The following CAMTA1 variants were observed in gnomAD, a reference collection of about 807,000 sequenced individuals.
The protein encoded by CAMTA1 is calmodulin-binding transcription activator 1.
Under a neutral mutation model 170.9 loss-of-function variants are expected in CAMTA1, and 27 were observed. The ratio of observed to expected loss-of-function variants is 0.16; its 90% CI spans 0.12 to 0.22. The LOEUF is 0.22. Ranked by LOEUF, CAMTA1 falls within the 10% of genes least tolerant of loss-of-function variation. The pLI, the probability that CAMTA1 is intolerant of heterozygous loss-of-function variation, is 1.00. For missense variants in CAMTA1, 1,619 were observed against 2,217.2 expected (o/e 0.73, Z 5.42); for synonymous variants, 833 against 891.5 (o/e 0.93, Z 1.17).
chr1:7,422,916 A>G (rs1435789635), intron 5 of CAMTA1, among the ~76,000 whole-genome samples: 1 of 152,262 alleles, frequency 6.6e-6, no homozygotes, highest in Non-Finnish European at 1.5e-5. Flanking sequence ...ATGGATTTGT[A>G]TTTGAAACTG....
intron 5 of CAMTA1, among the ~76,000 whole-genome samples, chr1:7,250,201 T>G (rs1296491682): frequency 3.3e-5 from 5 of 152,180 alleles, no homozygotes; most frequent in Admixed American, 2.0e-4. Context: ...GGCCCTTGGG[T>G]AAAGACTGGT....
Position 7,044,869 on chromosome 1 carries a change from C to T in CAMTA1, c.235-46435C>T, listed in dbSNP as rs1705115163. ...TTCCTGTCTGCCAGCAGTGCCTCCT[C>T]TCCCCATTAACATCCCGCCATTTTG... On this transcript the variant is annotated intron_variant, in intron 3 of 22. Transcript: ENST00000303635. The surrounding 1 kb of genome is among the most constrained non-coding windows in gnomAD (Gnocchi z 5.0). Among the ~76,000 whole-genome samples, 1 of 143,238 alleles carries T rather than the reference C, an allele frequency of 7.0e-6. No homozygotes were observed. The highest frequency in any genetic ancestry group is 1.5e-5 in the Non-Finnish European group (1 of 65,812). 94.0% of individuals were successfully genotyped at this position (143,238 alleles called of 152,430 possible). A position where few individuals can be genotyped will look rare whatever the true frequency, so the allele number is the denominator to read the frequency against.
At chr1:7,215,022 A>G (rs1280018391) in intron 4 of CAMTA1, among the ~76,000 whole-genome samples, 1 of 152,044 alleles carries the variant, frequency 6.6e-6, no homozygotes, top group Non-Finnish European at 1.5e-5. Context: ...CTATTGGTTT[A>G]TGTGTCAATT....
At chr1:7,215,825 A>G (rs1659657189) in intron 4 of CAMTA1, among the ~76,000 whole-genome samples, 1 of 152,160 alleles carries the variant, frequency 6.6e-6, no homozygotes, top group Non-Finnish European at 1.5e-5. Flanking sequence ...TAATATTTCT[A>G]TTTTATGAAA....
chr1:7,482,795 A>C lies in CAMTA1; in HGVS notation c.510+14894A>C, dbSNP rs1020111249. Among the ~76,000 whole-genome samples the C allele has an allele frequency of 6.6e-6, 1 of 152,152 alleles. No homozygotes were observed. The highest frequency in any genetic ancestry group is 1.9e-4 in the East Asian group (1 of 5,186). On this transcript the variant is annotated intron_variant, in intron 6 of 22. Transcript: ENST00000303635. The surrounding 1 kb of genome is among the most constrained non-coding windows in gnomAD (Gnocchi z 4.2). ...CTCCCATGGGGTCTCATTTTGCCCT[A>C]TCTGTGCCCTCAGTTTCTCTGCAGC...
chr1:6,790,078 C>G (rs1190205152), intron 1 of CAMTA1, among the ~76,000 whole-genome samples: 3 of 152,022 alleles, frequency 2.0e-5, no homozygotes, highest in Non-Finnish European at 4.4e-5. Context: ...CCTCCCTTGC[C>G]TCAGCCTCCC....
intron 6 of CAMTA1, among the ~76,000 whole-genome samples, chr1:7,501,158 TCTCCC>T (rs1301092537): frequency 6.6e-6 from 1 of 151,868 alleles, no homozygotes; most frequent in Non-Finnish European, 1.5e-5. Context: ...TCTAGGGCAT[TCTCCC>T]CAGACCCTCC....
At chr1:7,292,922 CCA>C (rs1557455990) in intron 5 of CAMTA1, among the ~76,000 whole-genome samples, 1 of 152,056 alleles carries the variant, frequency 6.6e-6, no homozygotes, top group East Asian at 1.9e-4. Flanking sequence ...GAGCACTAGG[CCA>C]CCCCAGCGCC....
intron 3 of CAMTA1, among the ~76,000 whole-genome samples, chr1:6,845,233 A>G (rs1268494345): frequency 6.6e-6 from 1 of 152,204 alleles, no homozygotes; most frequent in Non-Finnish European, 1.5e-5. Context: ...CCAGCAGCTG[A>G]TGGTCCAGGG....
intron 5 of CAMTA1, among the ~76,000 whole-genome samples, chr1:7,446,077 G>A (rs557740958): frequency 6.6e-6 from 1 of 151,932 alleles, no homozygotes; most frequent in African/African-American, 2.4e-5. Flanking sequence ...TTTCCATCCC[G>A]GTGCATCCTC....
intron 6 of CAMTA1, among the ~76,000 whole-genome samples, chr1:7,581,557 G>A (rs1340985431): frequency 6.6e-6 from 1 of 152,240 alleles, no homozygotes; most frequent in Non-Finnish European, 1.5e-5. Context: ...CTGTGACCCA[G>A]GGGCCCTAGA....
At chr1:7,676,450 G>A (rs755236183) in intron 10 of CAMTA1, among the ~76,000 whole-genome samples, 6 of 152,230 alleles carry the variant, frequency 3.9e-5, no homozygotes, top group African/African-American at 1.4e-4. Flanking sequence ...GATGGACAGC[G>A]GCCACCGGTC....
rs1383215235 is a variant in CAMTA1, at chr1:7,195,364, T to C, written c.303-54127T>C. The stretch of plus-strand genomic sequence containing the variant: ...GGAGTCCAAGTGTTGCTATACACAT[T>C]CTCTGCTTGTCTTGGCTATTTGGAA... On this transcript the variant is annotated intron_variant, in intron 4 of 22. Coordinates refer to ENST00000303635, the MANE Select transcript of CAMTA1 (RefSeq NM_015215.4). This position sits in a 1 kb window ranked among gnomAD's most constrained non-coding sequence, Gnocchi z 4.1. 6.6e-6 allele frequency among the ~76,000 whole-genome samples: 1 copy of C among 152,152 alleles called. No individual in the cohort carries two copies. The highest frequency in any genetic ancestry group is 1.5e-5 in the Non-Finnish European group (1 of 68,036).
chr1:7,742,087 TA>T (rs1229202169), intron 16 of CAMTA1, among the ~76,000 whole-genome samples: 1 of 150,944 alleles, frequency 6.6e-6, no homozygotes, highest in Non-Finnish European at 1.5e-5. Context: ...AAAAGAAAGA[TA>T]AAAAGTACAA....
At chr1:7,291,205 G>A (rs958405091) in intron 5 of CAMTA1, among the ~76,000 whole-genome samples, 2 of 152,142 alleles carry the variant, frequency 1.3e-5, no homozygotes, top group Non-Finnish European at 2.9e-5. Context: ...GGCTGGGAAA[G>A]TTAGGGACGA....
chr1:7,460,477 G>A (rs937825207), intron 5 of CAMTA1, among the ~76,000 whole-genome samples: 1 of 152,094 alleles, frequency 6.6e-6, no homozygotes, highest in African/African-American at 2.4e-5. Flanking sequence ...CTCAAGGCAG[G>A]CACAGAGCAG....
At chr1:7,241,055 C>CA (rs896217501) in intron 4 of CAMTA1, among the ~76,000 whole-genome samples, 2 of 151,746 alleles carry the variant, frequency 1.3e-5, no homozygotes, top group East Asian at 1.9e-4. Flanking sequence ...AAAGAATCTA[C>CA]AAAAAAAATT....
chr1:6,866,672 T>C (rs79495485), intron 3 of CAMTA1, among the ~76,000 whole-genome samples: 1,710 of 152,232 alleles, frequency 0.011, 31 homozygotes, highest in African/African-American at 0.04. Flanking sequence ...TGGATTAGCA[T>C]GTCAGTTGCA....
At chr1:7,731,172 G>A (rs796125671) in intron 11 of CAMTA1, among the ~76,000 whole-genome samples, 17 of 152,188 alleles carry the variant, frequency 1.1e-4, no homozygotes, top group African/African-American at 3.6e-4. Context: ...GAATCACAAC[G>A]TGTTTTCTCT....
Sources: gnomAD v4.1 joint callset for allele counts (sites outside exome capture counted in the v4.1 genomes callset) on GRCh38, gnomAD v4.1.1 for gene constraint, Gnocchi (gnomAD v3.1) non-coding constraint, MANE v1.5 for transcripts, NCBI Gene and HGNC (gene_info 2026-07-23, HGNC 2026-07-21) for gene names.